PLS1: variants seen among roughly 807,000 people sequenced by gnomAD.
The protein encoded by PLS1 is plastin-1.
Under a neutral mutation model 73.7 loss-of-function variants are expected in PLS1, and 32 were observed. The ratio of observed to expected loss-of-function variants is 0.43; its 90% CI spans 0.33 to 0.58. The LOEUF (loss-of-function observed/expected upper bound fraction) is 0.58, where lower values mean the gene tolerates loss of function less well. Ranked by LOEUF, PLS1 falls within the 20% of genes least tolerant of loss-of-function variation. PLS1 has a pLI of 0.04. For missense variants in PLS1, 633 were observed against 740.5 expected, an observed-to-expected ratio of 0.85 and a Z score of 1.68; for synonymous variants, 217 against 261.3, an observed-to-expected ratio of 0.83 and a Z score of 1.63.
intron 1 of PLS1, among the ~76,000 whole-genome samples, chr3:142,632,512 G>A: frequency 6.6e-6 from 1 of 152,000 alleles, no homozygotes; most frequent in East Asian, 1.9e-4. Flanking sequence ...GCAGTATGGA[G>A]GGCCCTCAAA....
intron 1 of PLS1, among the ~76,000 whole-genome samples, chr3:142,600,985 G>A (rs1241734540): frequency 2.2e-4 from 28 of 128,318 alleles, no homozygotes; most frequent in South Asian, 1.6e-3. Context: ...GTGCAGTGGC[G>A]CAATCTCGGC....
intron 1 of PLS1, chr3:142,645,313 T>G (rs953204331): frequency 4.6e-5 from 7 of 152,170 alleles, no homozygotes; most frequent in African/African-American, 1.4e-4. Flanking sequence ...CAGCGTTGGA[T>G]TGTGTAGGTT....
chr3:142,623,010 A>G (rs999955325), intron 1 of PLS1, among the ~76,000 whole-genome samples: 2 of 152,084 alleles, frequency 1.3e-5, no homozygotes, highest in Non-Finnish European at 2.9e-5. Context: ...TGCAGTGGCT[A>G]TTCACAGGAG....
chr3:142,689,476 T>G (rs2038043586), intron 9 of PLS1, 142 bp from the exon 10 acceptor site: 1 of 406,240 alleles, frequency 2.5e-6, no homozygotes, highest in Non-Finnish European at 4.4e-6. Context: ...GTAAGTTGAC[T>G]TGGAATTACT....
At chr3:142,711,679 C>T (rs1933135320) in intron 15 of PLS1, 54 bp downstream of exon 15, 1 of 1,484,572 alleles carries the variant, frequency 6.7e-7, no homozygotes, top group African/African-American at 1.4e-5. Context: ...CTCTAAAATC[C>T]TTATAGGAAA....
chr3:142,649,166 C>T (rs2037023815), intron 1 of PLS1, among the ~76,000 whole-genome samples: 1 of 151,970 alleles, frequency 6.6e-6, no homozygotes. Flanking sequence ...TCAGCTTTAG[C>T]TGAAGGTGAA....
intron 1 of PLS1, among the ~76,000 whole-genome samples, chr3:142,636,071 T>C (rs1484942498): frequency 6.6e-6 from 1 of 151,232 alleles, no homozygotes; most frequent in Non-Finnish European, 1.5e-5. Context: ...TTTTTTTTCC[T>C]GTGGCAATAG....
intron 1 of PLS1, among the ~76,000 whole-genome samples, chr3:142,633,102 G>A (rs770215764): frequency 3.9e-5 from 6 of 152,198 alleles, no homozygotes; most frequent in Non-Finnish European, 8.8e-5. Flanking sequence ...CCTCAAGGAC[G>A]TTTTACTAAG....
chr3:142,665,853 T>G (rs1428405336), intron 2 of PLS1, among the ~76,000 whole-genome samples: 1 of 152,008 alleles, frequency 6.6e-6, no homozygotes, highest in Non-Finnish European at 1.5e-5. Context: ...TTCAATAGAT[T>G]GTAGTGAGGG....
chr3:142,694,356 A>G (rs1218332574), intron 10 of PLS1, 113 bp from the exon 11 acceptor site: 2 of 570,410 alleles, frequency 3.5e-6, no homozygotes, highest in Admixed American at 3.0e-5. Context: ...TGTAGTATCT[A>G]AAGAACCATG....
At chr3:142,617,754 G>A (rs899503892) in intron 1 of PLS1, among the ~76,000 whole-genome samples, 6 of 151,624 alleles carry the variant, frequency 4.0e-5, no homozygotes, top group African/African-American at 1.5e-4. Context: ...GAGGCAGGTG[G>A]ATCACTTGAG....
At chr3:142,672,654 T>C (rs2037629655) in intron 4 of PLS1, among the ~76,000 whole-genome samples, 1 of 152,182 alleles carries the variant, frequency 6.6e-6, no homozygotes, top group African/African-American at 2.4e-5. Flanking sequence ...AAGTGTACTA[T>C]TCTTAAGTAT....
At chr3:142,711,690 A>C in intron 15 of PLS1, 65 bp downstream of exon 15, 1 of 1,409,524 alleles carries the variant, frequency 7.1e-7, no homozygotes, top group Admixed American at 2.0e-5. Flanking sequence ...TTATAGGAAA[A>C]GTTACTATGC....
chr3:142,711,078 AG>A (rs1015197097), intron 14 of PLS1, among the ~76,000 whole-genome samples: 3 of 152,184 alleles, frequency 2.0e-5, no homozygotes, highest in Non-Finnish European at 4.4e-5. Flanking sequence ...TGTCTTTGTA[AG>A]TGTTAGTTCC....
intron 1 of PLS1, among the ~76,000 whole-genome samples, chr3:142,636,030 C>A (rs1305176274): frequency 6.6e-6 from 1 of 151,338 alleles, no homozygotes; most frequent in Non-Finnish European, 1.5e-5. Flanking sequence ...GCTAGGGTAA[C>A]AAGAGCATGC....
chr3:142,709,984 TA>T (rs1933044349), intron 14 of PLS1, among the ~76,000 whole-genome samples: 1 of 152,114 alleles, frequency 6.6e-6, no homozygotes, highest in South Asian at 2.1e-4. Flanking sequence ...TCAGTATTCC[TA>T]AGAATCCTAT....
At chr3:142,640,995 AAAAAC>A (rs1405515500) in intron 1 of PLS1, among the ~76,000 whole-genome samples, 5 of 151,956 alleles carry the variant, frequency 3.3e-5, no homozygotes, top group African/African-American at 1.2e-4. Context: ...TACAAAAAAC[AAAAAC>A]AAAACAAAAC....
At chr3:142,650,409 C>A (rs141707322) in intron 1 of PLS1, among the ~76,000 whole-genome samples, 3 of 151,980 alleles carry the variant, frequency 2.0e-5, no homozygotes, top group Non-Finnish European at 4.4e-5. Flanking sequence ...TTGGCTTCTT[C>A]TTAGCCTTGT....
intron 1 of PLS1, among the ~76,000 whole-genome samples, chr3:142,654,310 T>C (rs1207858032): frequency 6.6e-6 from 1 of 152,202 alleles, no homozygotes; most frequent in Non-Finnish European, 1.5e-5. Flanking sequence ...GGCTATATCA[T>C]TAACTCCTTT....
Sources: allele counts gnomAD v4.1 joint callset (sites outside exome capture counted in the v4.1 genomes callset), GRCh38; gene constraint gnomAD v4.1.1; transcripts MANE v1.5; gene names NCBI Gene and HGNC (gene_info 2026-07-23, HGNC 2026-07-21).